ST8SIA1: variants seen among roughly 807,000 people sequenced by gnomAD.
ST8SIA1 encodes alpha-N-acetylneuraminide alpha-2,8-sialyltransferase.
In ST8SIA1, 16 loss-of-function variants were observed where a neutral mutation model predicts 35.9. The ratio of observed to expected loss-of-function variants is 0.45; its 90% CI spans 0.30 to 0.68. The LOEUF (loss-of-function observed/expected upper bound fraction) is 0.68, where lower values mean the gene tolerates loss of function less well. Among genes scored for constraint, ST8SIA1 ranks in the 30% least tolerant of loss-of-function variants. The pLI, the probability that ST8SIA1 is intolerant of heterozygous loss-of-function variation, is 0.09. For synonymous variants in ST8SIA1, 170 were observed against 169.6 expected, an observed-to-expected ratio of 1.00 and a Z score of -0.02; for missense variants, 383 against 453.6, an observed-to-expected ratio of 0.84 and a Z score of 1.41.
chr12:22,298,269 G>T (rs2728830), intron 1 of ST8SIA1, among the ~76,000 whole-genome samples: 11,851 of 152,228 alleles, frequency 0.078, 889 homozygotes, highest in African/African-American at 0.18. Context: ...GGAGGAGGTT[G>T]TGGAATCCCC....
intron 2 of ST8SIA1, among the ~76,000 whole-genome samples, chr12:22,280,297 TA>T (rs1472770225): frequency 1.3e-5 from 2 of 152,054 alleles, no homozygotes; most frequent in African/African-American, 4.8e-5. Flanking sequence ...ATTAAGAAAC[TA>T]ATCAAAGAAA....
At chr12:22,333,741 C>T (rs1019383022) in intron 1 of ST8SIA1, 26 of 673,932 alleles carry the variant, frequency 3.9e-5, no homozygotes, top group Middle Eastern at 2.5e-4. Context: ...TAAAACTCCG[C>T]TTTGGGAAGA....
At chr12:22,285,151 A>G (rs1866082847) in intron 2 of ST8SIA1, among the ~76,000 whole-genome samples, 1 of 152,244 alleles carries the variant, frequency 6.6e-6, no homozygotes, top group South Asian at 2.1e-4. Context: ...CTTCTTCGCA[A>G]CTAGTGTTCT....
chr12:22,332,796 G>C (rs1335790425), intron 1 of ST8SIA1, among the ~76,000 whole-genome samples: 2 of 152,198 alleles, frequency 1.3e-5, no homozygotes, highest in Non-Finnish European at 2.9e-5. Flanking sequence ...AAAATGTATA[G>C]ATGCTCCTGA....
chr12:22,256,522 C>A (rs565238338), intron 2 of ST8SIA1, among the ~76,000 whole-genome samples: 1 of 152,238 alleles, frequency 6.6e-6, no homozygotes, highest in Admixed American at 6.5e-5. Flanking sequence ...ACATGAATCT[C>A]AAGCAAATAA....
intron 1 of ST8SIA1, among the ~76,000 whole-genome samples, chr12:22,327,957 GT>G (rs1243784107): frequency 7.9e-5 from 12 of 152,192 alleles, no homozygotes; most frequent in African/African-American, 2.9e-4. Context: ...GGCAGGTTTT[GT>G]TTCTGCAAAT....
intron 1 of ST8SIA1, among the ~76,000 whole-genome samples, chr12:22,317,516 T>G (rs1002857376): frequency 2.0e-5 from 3 of 152,184 alleles, no homozygotes; most frequent in African/African-American, 7.2e-5. Context: ...TTCACTTACG[T>G]GGTTGTTGGT....
intron 1 of ST8SIA1, among the ~76,000 whole-genome samples, chr12:22,301,491 A>G (rs1263024936): frequency 1.3e-5 from 2 of 152,106 alleles, no homozygotes; most frequent in Admixed American, 1.3e-4. Context: ...TAAAATTTGG[A>G]GCATATTTAT....
chr12:22,262,104 T>C (rs1326230266), intron 2 of ST8SIA1, among the ~76,000 whole-genome samples: 1 of 150,992 alleles, frequency 6.6e-6, no homozygotes, highest in African/African-American at 2.5e-5. Context: ...TATTAGATAA[T>C]ATTAGGAAGG....
At position 22,255,223 on chromosome 12, in the gene ST8SIA1, G is replaced by A. The variant is rs951731885; in HGVS notation, c.491+57C>T. Reference sequence around the variant, plus strand: ...GTTTTGAAAAGCCCCAGGGCTTATGGGAGGGGTGGGGAAAAGGAGAGAAGG... The same window carrying A: ...GTTTTGAAAAGCCCCAGGGCTTATGAGAGGGGTGGGGAAAAGGAGAGAAGG... On this transcript the variant is annotated intron_variant, in intron 3 of 4. Transcript: ENST00000396037. 8 of 1,396,156 alleles carry A rather than the reference G, an allele frequency of 5.7e-6. No homozygotes were observed. In the African/African-American group the frequency reaches 8.5e-5, roughly 15 times the overall value. 86.5% of individuals were successfully genotyped at this position (1,396,156 alleles called of 1,614,324 possible).
chr12:22,230,426 TGTG>T (rs1297662082), intron 4 of ST8SIA1, among the ~76,000 whole-genome samples: 2 of 152,160 alleles, frequency 1.3e-5, no homozygotes, highest in South Asian at 2.1e-4. Flanking sequence ...TCATTAATCT[TGTG>T]GTAGCAAGGT....
chr12:22,326,620 A>G (rs755301815), intron 1 of ST8SIA1, among the ~76,000 whole-genome samples: 4 of 152,210 alleles, frequency 2.6e-5, no homozygotes, highest in African/African-American at 7.2e-5. Flanking sequence ...AAGTCCAGAC[A>G]TTTTCCAGGT....
Position 22,198,521 on chromosome 12 carries a change from C to CTA in ST8SIA1, c.*3029_*3030dup, listed in dbSNP as rs1865014083. 1.1e-5 allele frequency: 1 copy of CTA among 94,530 alleles called. No individual in the cohort carries two copies. Among genetic ancestry groups the CTA allele is most frequent in the Non-Finnish European group, 2.2e-5 (1 of 45,218 alleles). The allele number at this position is 94,530 out of a possible 1,614,324, so 5.9% of individuals were successfully genotyped here. On this transcript the variant is annotated 3_prime_UTR_variant, in exon 5 of 5. Transcript: ENST00000396037. Reference sequence around the variant, plus strand: ...AAGGATAGAGATGCCTAACTTCATGCTACACACACACACACACACACACAC... The same window carrying CTA: ...AAGGATAGAGATGCCTAACTTCATGCTATACACACACACACACACACACACAC...
chr12:22,287,069 A>G lies in ST8SIA1; in HGVS notation c.381+80T>C, dbSNP rs1866109073. ...AAAACAAAAAGTCAATCTGATGAGT[A>G]AGGCAAACTCAATTATCCCTTTTCT... On this transcript the variant is annotated intron_variant, in intron 2 of 4. Coordinates refer to ENST00000396037, the MANE Select transcript of ST8SIA1 (RefSeq NM_003034.4). The G allele has an allele frequency of 5.9e-6, 8 of 1,355,740 alleles. No homozygotes were observed. The Admixed American group carries it at 1.6e-4, about 26-fold the overall frequency. 84.0% of individuals were successfully genotyped at this position (1,355,740 alleles called of 1,614,324 possible). A position where few individuals can be genotyped will look rare whatever the true frequency, so the allele number is the denominator to read the frequency against.
chr12:22,287,677 A>G (rs1866118846), intron 1 of ST8SIA1, among the ~76,000 whole-genome samples: 1 of 152,190 alleles, frequency 6.6e-6, no homozygotes, highest in South Asian at 2.1e-4. Context: ...CAGCTACAGC[A>G]GAGGTGCATC....
At chr12:22,253,768 A>G (rs758366562) in intron 3 of ST8SIA1, among the ~76,000 whole-genome samples, 4 of 152,180 alleles carry the variant, frequency 2.6e-5, no homozygotes, top group Admixed American at 6.5e-5. Context: ...AGGAAAAACT[A>G]TGCTGAGGGT....
chr12:22,239,263 T>A (rs1865512082), intron 4 of ST8SIA1, among the ~76,000 whole-genome samples: 1 of 152,216 alleles, frequency 6.6e-6, no homozygotes, highest in African/African-American at 2.4e-5. Flanking sequence ...TGGATCACAT[T>A]AATCATGAAT....
At position 22,248,872 on chromosome 12, in the gene ST8SIA1, T is replaced by C; in HGVS notation, c.584+134A>G. The stretch of plus-strand genomic sequence containing the variant: ...CCTGTTTTCTTTATTTACAATTCCC[T>C]TCATCCTTCCTGCCTGTCCAGATGG... On this transcript the variant is annotated intron_variant, in intron 4 of 4. Coordinates refer to ENST00000396037, the MANE Select transcript of ST8SIA1 (RefSeq NM_003034.4). 3 of 604,638 alleles carry C rather than the reference T, an allele frequency of 5.0e-6. No homozygotes were observed. The South Asian group carries it at 7.1e-5, about 14-fold the overall frequency. 37.5% of individuals were successfully genotyped at this position (604,638 alleles called of 1,614,324 possible).
intron 2 of ST8SIA1, among the ~76,000 whole-genome samples, chr12:22,274,622 G>T (rs572051193): frequency 6.6e-6 from 1 of 152,314 alleles, no homozygotes; most frequent in African/African-American, 2.4e-5. Flanking sequence ...GTACGATCTT[G>T]TTATTTCAAG....
Sources: gnomAD v4.1 joint callset for allele counts (sites outside exome capture counted in the v4.1 genomes callset) on GRCh38, gnomAD v4.1.1 for gene constraint, MANE v1.5 for transcripts, NCBI Gene and HGNC (gene_info 2026-07-23, HGNC 2026-07-21) for gene names.